The following TBCD variants were observed in gnomAD, a reference collection of about 807,000 sequenced individuals.
The protein encoded by TBCD is tubulin-specific chaperone D.
TBCD carries 105 observed loss-of-function variants against 169.3 expected under a neutral mutation model. The ratio of observed to expected loss-of-function variants is 0.62; its 90% CI spans 0.53 to 0.73. The LOEUF is 0.73. Ranked by LOEUF, TBCD falls within the 30% of genes least tolerant of loss-of-function variation. The pLI, the probability that TBCD is intolerant of heterozygous loss-of-function variation, is 0.00. For synonymous variants in TBCD, 700 were observed against 643.9 expected (o/e 1.09, Z -1.32); for missense variants, 1,444 against 1,600.1 (o/e 0.90, Z 1.66).
At chr17:82,846,781 G>A (rs2055159676) in intron 13 of TBCD, among the ~76,000 whole-genome samples, 1 of 152,208 alleles carries the variant, frequency 6.6e-6, no homozygotes, top group African/African-American at 2.4e-5. Context: ...CCTGTGTTTT[G>A]GGAAGTTGAT....
chr17:82,887,876 C>T (rs760627517), intron 15 of TBCD, among the ~76,000 whole-genome samples: 2 of 152,090 alleles, frequency 1.3e-5, no homozygotes, highest in Non-Finnish European at 2.9e-5. Flanking sequence ...GCTTACTTGC[C>T]GTCTGTACCT....
chr17:82,818,107 G>A (rs1027064986), intron 13 of TBCD, among the ~76,000 whole-genome samples: 3 of 152,244 alleles, frequency 2.0e-5, no homozygotes, highest in Admixed American at 6.5e-5. Flanking sequence ...CAGCTGGGGC[G>A]AGAGGATATG....
intron 6 of TBCD, among the ~76,000 whole-genome samples, chr17:82,779,995 C>T (rs1197182185): frequency 2.6e-5 from 4 of 152,120 alleles, no homozygotes; most frequent in Non-Finnish European, 5.9e-5. Context: ...CCGTCTCCTT[C>T]CCCCCACCCC....
At chr17:82,868,497 GTATCTTTGAACTTTC>G (rs1350816921) in intron 13 of TBCD, among the ~76,000 whole-genome samples, 3 of 152,168 alleles carry the variant, frequency 2.0e-5, no homozygotes, top group African/African-American at 7.2e-5. Context: ...TGATACCACG[GTATCTTTGAACTTTC>G]TATTTTGAGG....
At chr17:82,834,448 A>C (rs1181485794) in intron 13 of TBCD, among the ~76,000 whole-genome samples, 1 of 152,236 alleles carries the variant, frequency 6.6e-6, no homozygotes, top group Admixed American at 6.5e-5. Context: ...AACAGCTTAA[A>C]AATAAAGTTA....
At position 82,920,137 on chromosome 17, in the gene TBCD, A is replaced by C. The variant is rs2061328732; in HGVS notation, c.2039-419A>C. On this transcript the variant is annotated intron_variant, in intron 23 of 38. Coordinates refer to ENST00000355528, the MANE Select transcript of TBCD (RefSeq NM_005993.5). This position sits in a 1 kb window ranked among gnomAD's most constrained non-coding sequence, Gnocchi z 4.1. ...CGAGCTATGTGGGGAAGTGACAGGCATGACCTGTGGTCTGGAGCATTGCAG... is the reference window on the plus strand; with the variant it reads ...CGAGCTATGTGGGGAAGTGACAGGCCTGACCTGTGGTCTGGAGCATTGCAG... Among the ~76,000 whole-genome samples, 2 of 152,210 alleles carry C rather than the reference A, an allele frequency of 1.3e-5. No homozygotes were observed. The highest frequency in any genetic ancestry group is 4.8e-5 in the African/African-American group (2 of 41,452).
chr17:82,775,858 A>T (rs970201457), intron 6 of TBCD, among the ~76,000 whole-genome samples: 1 of 151,898 alleles, frequency 6.6e-6, no homozygotes, highest in Non-Finnish European at 1.5e-5. Context: ...AACTTGCACA[A>T]TGTGCACATG....
Position 82,870,406 on chromosome 17 carries a change from G to A in TBCD, c.1475+26G>A, listed in dbSNP as rs201347711. 29 of 1,605,378 alleles carry A rather than the reference G, an allele frequency of 1.8e-5. No homozygotes were observed. The African/African-American group carries it at 2.8e-4, about 16-fold the overall frequency. ...GTAGGCCCATTCGTCGAGGTACATC[G>A]GATGCGCCGTGCCCCCTGACGGCGC... On this transcript the variant is annotated intron_variant, in intron 14 of 38. Coordinates refer to ENST00000355528, the MANE Select transcript of TBCD (RefSeq NM_005993.5).
intron 9 of TBCD, 49 bp downstream of exon 9, chr17:82,801,045 G>A: frequency 6.5e-7 from 1 of 1,543,370 alleles, no homozygotes; most frequent in Non-Finnish European, 8.7e-7. Context: ...GGTGGGGAGG[G>A]GTTGCTGTGG....
intron 2 of TBCD, among the ~76,000 whole-genome samples, chr17:82,757,647 C>T (rs2047475589): frequency 6.6e-6 from 1 of 150,882 alleles, no homozygotes; most frequent in Non-Finnish European, 1.5e-5. Flanking sequence ...CCAAAAAAAA[C>T]CCTCTAAATT....
rs367590705 is a variant in TBCD, at chr17:82,921,581, C to T, written c.2178+4C>T. ...TCACTCCCGCCAGCAGATGAAGGTA[C>T]AGTGAGCATGGGCGTTCCCGGCCGG... On this transcript the variant is annotated splice_donor_region_variant and intron_variant, in intron 25 of 38. Transcript: ENST00000355528. 5.0e-6 allele frequency: 8 copies of T among 1,613,920 alleles called. No homozygotes were observed. In the Admixed American group the frequency reaches 1.2e-4, roughly 24 times the overall value.
At chr17:82,855,519 C>T (rs1429020655) in intron 13 of TBCD, among the ~76,000 whole-genome samples, 5 of 152,000 alleles carry the variant, frequency 3.3e-5, no homozygotes, top group East Asian at 1.9e-4. Context: ...CTACTCACCT[C>T]GGCCTCCTGA....
At chr17:82,893,520 T>C (rs2059287832) in intron 16 of TBCD, 27 bp from the exon 17 acceptor site, 1 of 1,532,812 alleles carries the variant, frequency 6.5e-7, no homozygotes, top group African/African-American at 1.4e-5. Context: ...AATTCTTCTT[T>C]TTCCCCCATT....
chr17:82,932,792 TAAAGAA>T, intron 34 of TBCD, 57 bp downstream of exon 34: 1 of 1,555,402 alleles, frequency 6.4e-7, no homozygotes, highest in East Asian at 2.3e-5. Context: ...GCTCATGTAT[TAAAGAA>T]AAAGTCATCA....
intron 17 of TBCD, among the ~76,000 whole-genome samples, chr17:82,896,453 GTTTTTTTTTTTTT>G (rs1014108505): frequency 1.1e-5 from 1 of 91,426 alleles, no homozygotes. Flanking sequence ...TGTGCTGTCA[GTTTTTTTTTTTTT>G]TTTTTTTTTT....
chr17:82,907,694 C>T, intron 20 of TBCD, 67 bp from the exon 21 acceptor site: 1 of 1,577,146 alleles, frequency 6.3e-7, no homozygotes, highest in Non-Finnish European at 8.7e-7. Flanking sequence ...GCCTCAGCTC[C>T]TCCGAGTGTA....
chr17:82,891,729 AT>A (rs1254370773), intron 16 of TBCD, among the ~76,000 whole-genome samples: 2 of 147,004 alleles, frequency 1.4e-5, no homozygotes, highest in East Asian at 4.2e-4. Flanking sequence ...AGCAGCAGGG[AT>A]GGGGGGTGGT....
intron 22 of TBCD, among the ~76,000 whole-genome samples, chr17:82,910,640 C>T (rs1041161900): frequency 1.3e-5 from 2 of 151,916 alleles, no homozygotes; most frequent in Non-Finnish European, 2.9e-5. Flanking sequence ...CATGTCGGCT[C>T]ACTGCAAGCT....
intron 33 of TBCD, among the ~76,000 whole-genome samples, chr17:82,931,392 A>C (rs1286014359): frequency 6.6e-6 from 1 of 152,220 alleles, no homozygotes; most frequent in East Asian, 1.9e-4. Flanking sequence ...CTCCAGCCCA[A>C]GGTTTCCTCC....
Sources: allele counts gnomAD v4.1 joint callset (sites outside exome capture counted in the v4.1 genomes callset), GRCh38; gene constraint gnomAD v4.1.1; non-coding constraint Gnocchi (gnomAD v3.1); transcripts MANE v1.5; gene names NCBI Gene and HGNC (gene_info 2026-07-23, HGNC 2026-07-21).